The following RBFOX1 variants were observed in gnomAD, a reference collection of about 807,000 sequenced individuals.
The protein encoded by RBFOX1 is RNA binding fox-1 homolog 1.
In RBFOX1, 8 loss-of-function variants were observed where a neutral mutation model predicts 57.7. That is an observed-to-expected ratio of 0.14 (90% CI 0.08 to 0.25). The LOEUF (loss-of-function observed/expected upper bound fraction) is 0.25, where lower values mean the gene tolerates loss of function less well. Among genes scored for constraint, RBFOX1 ranks in the 10% least tolerant of loss-of-function variants. The pLI is 1.00. For missense variants in RBFOX1, 611 were observed against 548.5 expected (o/e 1.11, Z -1.14); for synonymous variants, 326 against 222.4 (o/e 1.47, Z -4.15).
At chr16:7,172,914 T>A (rs2080982758) in intron 4 of RBFOX1, among the ~76,000 whole-genome samples, 1 of 152,206 alleles carries the variant, frequency 6.6e-6, no homozygotes, top group Non-Finnish European at 1.5e-5. Context: ...AGGAAGAGAC[T>A]TGAATATCCT....
intron 2 of RBFOX1, among the ~76,000 whole-genome samples, chr16:6,570,238 C>A (rs1206450766): frequency 1.3e-5 from 2 of 152,122 alleles, no homozygotes; most frequent in Admixed American, 1.3e-4. Context: ...GAATTATACC[C>A]ATTGTGTATT....
intron 3 of RBFOX1, among the ~76,000 whole-genome samples, chr16:5,827,012 C>T (rs1030740306): frequency 6.6e-6 from 1 of 152,148 alleles, no homozygotes; most frequent in East Asian, 1.9e-4. Flanking sequence ...CCCAGAGAAG[C>T]CTATCTCTTC....
rs375301030 is a variant in RBFOX1 at position 7,175,517 on chromosome 16, C to A, written c.27+123419C>A. On this transcript the variant is annotated intron_variant, in intron 4 of 15. Coordinates refer to ENST00000550418, the MANE Select transcript of RBFOX1 (RefSeq NM_018723.4). ...TCGCTGCCTGGTCATACTCATTGAG[C>A]CTATGGGCTGGTTGTGTGAACATGC... Among the ~76,000 whole-genome samples, 39 of 152,236 alleles carry A rather than the reference C, an allele frequency of 2.6e-4. No individual in the cohort carries two copies. The East Asian group carries it at 3.1e-3, about 12-fold the overall frequency.
At chr16:6,831,943 A>G (rs1482163099) in intron 3 of RBFOX1, among the ~76,000 whole-genome samples, 1 of 152,234 alleles carries the variant, frequency 6.6e-6, no homozygotes, top group East Asian at 1.9e-4. Context: ...GGGGTGGAAT[A>G]AAATTGCTAT....
At chr16:5,843,274 A>G (rs1343097931) in intron 3 of RBFOX1, among the ~76,000 whole-genome samples, 1 of 152,132 alleles carries the variant, frequency 6.6e-6, no homozygotes, top group African/African-American at 2.4e-5. Flanking sequence ...ATTTATTCTG[A>G]TCCTCTAACT....
chr16:6,776,715 C>T (rs1457427364), intron 3 of RBFOX1, among the ~76,000 whole-genome samples: 1 of 152,208 alleles, frequency 6.6e-6, no homozygotes, highest in Non-Finnish European at 1.5e-5. Context: ...CCAGGATGCA[C>T]TGCTTTGCTG....
intron 1 of RBFOX1, among the ~76,000 whole-genome samples, chr16:5,275,370 T>G (rs2063116136): frequency 6.6e-6 from 1 of 152,206 alleles, no homozygotes; most frequent in African/African-American, 2.4e-5. Flanking sequence ...AAAATCTATG[T>G]ACACAAATCA....
At chr16:5,940,298 A>G (rs2059253239) in intron 4 of RBFOX1, among the ~76,000 whole-genome samples, 1 of 152,222 alleles carries the variant, frequency 6.6e-6, no homozygotes, top group Admixed American at 6.5e-5. Flanking sequence ...TATTTGAACT[A>G]GATGGTCCCT....
chr16:5,376,348 T>C (rs983101235), intron 1 of RBFOX1, among the ~76,000 whole-genome samples: 1 of 151,866 alleles, frequency 6.6e-6, no homozygotes, highest in Non-Finnish European at 1.5e-5. Context: ...CAGGTGGTTG[T>C]TTGTTGGGAC....
chr16:6,793,028 GA>G (rs71145295), intron 3 of RBFOX1, among the ~76,000 whole-genome samples: 4,679 of 136,402 alleles, frequency 0.034, 204 homozygotes, highest in African/African-American at 0.11. Context: ...GACTCCATCT[GA>G]AAAAAAAAAA....
chr16:6,941,525 G>T (rs1372413383), intron 3 of RBFOX1, among the ~76,000 whole-genome samples: 1 of 151,942 alleles, frequency 6.6e-6, no homozygotes, highest in Non-Finnish European at 1.5e-5. Context: ...CCCTGCTGGT[G>T]GGTTTCCTGA....
chr16:7,412,298 T>C (rs972990956), intron 4 of RBFOX1, among the ~76,000 whole-genome samples: 1 of 150,914 alleles, frequency 6.6e-6, no homozygotes, highest in East Asian at 2.0e-4. Flanking sequence ...GCCTGTAATC[T>C]CAGCTCCTCA....
At chr16:7,562,347 C>T (rs556254643) in intron 5 of RBFOX1, among the ~76,000 whole-genome samples, 2 of 152,096 alleles carry the variant, frequency 1.3e-5, no homozygotes, top group Non-Finnish European at 2.9e-5. Flanking sequence ...GTTCCTCTGG[C>T]TCTTGAAAGA....
At chr16:6,911,912 G>C (rs1160981752) in intron 3 of RBFOX1, among the ~76,000 whole-genome samples, 3 of 152,118 alleles carry the variant, frequency 2.0e-5, no homozygotes, top group Non-Finnish European at 4.4e-5. Context: ...GCCAAATATA[G>C]AAGACACAGT....
chr16:5,843,419 G>A (rs540561697), intron 3 of RBFOX1, among the ~76,000 whole-genome samples: 1 of 152,160 alleles, frequency 6.6e-6, no homozygotes, highest in Non-Finnish European at 1.5e-5. Context: ...AGTTTGCCAA[G>A]GATAATGGCC....
At chr16:7,360,018 A>G (rs2097291594) in intron 4 of RBFOX1, among the ~76,000 whole-genome samples, 1 of 150,330 alleles carries the variant, frequency 6.7e-6, no homozygotes, top group Non-Finnish European at 1.5e-5. Flanking sequence ...CAAAAAAACC[A>G]CTCTGGAAAA....
chr16:5,377,615 A>G lies in RBFOX1; in HGVS notation c.220-89601A>G, dbSNP rs954459543. Among the ~76,000 whole-genome samples, 22 of 150,764 alleles carry G rather than the reference A, an allele frequency of 1.5e-4. 1 individual carries two copies. The highest frequency in any genetic ancestry group is 5.2e-4 in the African/African-American group (21 of 40,266). On this transcript the variant is annotated intron_variant, in intron 1 of 2. Coordinates refer to the RBFOX1 transcript ENST00000585867. The stretch of plus-strand genomic sequence containing the variant: ...GAGAGAGAGAAAGAACAAGAGAGAG[A>G]CAGAGAGAGAGAGAACGAGAATGAG...
At chr16:5,775,526 C>A (rs572865390) in intron 3 of RBFOX1, among the ~76,000 whole-genome samples, 2 of 152,280 alleles carry the variant, frequency 1.3e-5, no homozygotes, top group South Asian at 2.1e-4. Flanking sequence ...AATTAAGGAG[C>A]CTTATATGGC....
At chr16:7,300,012 G>A (rs145033575) in intron 4 of RBFOX1, among the ~76,000 whole-genome samples, 1 of 152,182 alleles carries the variant, frequency 6.6e-6, no homozygotes, top group African/African-American at 2.4e-5. Context: ...ATTGGAAGGA[G>A]CGGGATGCAA....
Sources: gnomAD v4.1 joint callset for allele counts (sites outside exome capture counted in the v4.1 genomes callset) on GRCh38, gnomAD v4.1.1 for gene constraint, MANE v1.5 for transcripts, NCBI Gene and HGNC (gene_info 2026-07-23, HGNC 2026-07-21) for gene names.